GRIA1: variants seen among roughly 807,000 people sequenced by gnomAD.
GRIA1 encodes glutamate ionotropic receptor AMPA type subunit 1, also known as glutamate receptor 1.
A neutral mutation model predicts 99.2 loss-of-function variants in GRIA1; 31 were observed. The observed-to-expected ratio is 0.31, with a 90% CI of 0.23 to 0.42. The LOEUF (loss-of-function observed/expected upper bound fraction) is 0.42. GRIA1 is among the 10% of genes least tolerant of loss of function. The pLI is 1.00. For missense variants in GRIA1, 782 were observed against 1,157.5 expected (o/e 0.68, Z 4.71); for synonymous variants, 438 against 432.4 (o/e 1.01, Z -0.16).
intron 2 of GRIA1, among the ~76,000 whole-genome samples, chr5:153,627,482 C>T (rs1471328616): frequency 6.6e-6 from 1 of 152,156 alleles, no homozygotes; most frequent in Non-Finnish European, 1.5e-5. Flanking sequence ...CCAGAAATCT[C>T]CCCTCACTTG....
chr5:153,617,156 C>T (rs1427904907), intron 2 of GRIA1, among the ~76,000 whole-genome samples: 1 of 152,136 alleles, frequency 6.6e-6, no homozygotes, highest in Non-Finnish European at 1.5e-5. Context: ...CCAAGAAAGA[C>T]TGTAGATATT....
chr5:153,528,532 G>A (rs1269640160), intron 2 of GRIA1, among the ~76,000 whole-genome samples: 2 of 152,154 alleles, frequency 1.3e-5, no homozygotes, highest in Non-Finnish European at 2.9e-5. Flanking sequence ...TTCTGATTTG[G>A]GAGGTCTGGT....
Position 153,662,982 on chromosome 5 carries a change from G to A in GRIA1, c.699+7110G>A, listed in dbSNP as rs1355006476. 2.0e-5 allele frequency among the ~76,000 whole-genome samples: 3 copies of A among 152,094 alleles called. No homozygotes were observed. The East Asian group carries it at 5.8e-4, about 29-fold the overall frequency. ...CCGCTCTGCTCTCACCTCACTGTTC[G>A]GTAACAGACACTGTGTGATCTCCAG... On this transcript the variant is annotated intron_variant, in intron 5 of 15. Transcript: ENST00000285900.
chr5:153,656,387 A>ATATATATATATATG (rs747540007), intron 5 of GRIA1, among the ~76,000 whole-genome samples: 1 of 143,510 alleles, frequency 7.0e-6, no homozygotes, highest in African/African-American at 2.6e-5. Context: ...GTTTGTTTAT[A>ATATATATATATATG]TATATATATA....
intron 12 of GRIA1, among the ~76,000 whole-genome samples, chr5:153,765,672 C>T (rs537887107): frequency 7.9e-5 from 12 of 151,780 alleles, no homozygotes; most frequent in Non-Finnish European, 1.5e-4. Context: ...GATGTTTATC[C>T]CAGGAGTTGA....
At chr5:153,694,290 CTTGGGATT>C (rs1014850024) in intron 8 of GRIA1, among the ~76,000 whole-genome samples, 7 of 152,134 alleles carry the variant, frequency 4.6e-5, no homozygotes, top group African/African-American at 1.7e-4. Context: ...GTATGAAAAC[CTTGGGATT>C]TTACGGCAGT....
At chr5:153,567,205 G>C (rs908660392) in intron 2 of GRIA1, among the ~76,000 whole-genome samples, 2 of 152,278 alleles carry the variant, frequency 1.3e-5, no homozygotes, top group African/African-American at 4.8e-5. Flanking sequence ...AACTTTTCTA[G>C]ACACTGGTGA....
At chr5:153,745,661 A>C (rs2149582114) in intron 11 of GRIA1, among the ~76,000 whole-genome samples, 1 of 151,976 alleles carries the variant, frequency 6.6e-6, no homozygotes, top group South Asian at 2.1e-4. Context: ...AAATTAAGAA[A>C]TCAAAGTAAA....
intron 2 of GRIA1, among the ~76,000 whole-genome samples, chr5:153,575,794 G>A (rs980643963): frequency 2.0e-5 from 3 of 152,182 alleles, no homozygotes; most frequent in African/African-American, 7.2e-5. Context: ...GCAGTGTAAT[G>A]GCAGAACTGA....
In GRIA1 at chr5:153,802,484, G is replaced by C; in HGVS notation, c.2514G>C (p.Arg838=). ...ACAAATCCCGTAGTGAATCCAAGCG[G>C]ATGAAGGTGGCATCGTCTTCCCGGG... ...FCYKSRSESK[R]MKGFCLIPQQ... is the part of the protein sequence containing the mutation. The change falls in exon 15 of 16, where the codon CGG becomes CGC. Residue 838 remains arginine, a synonymous_variant. Coordinates refer to ENST00000285900, the MANE Select transcript of GRIA1 (RefSeq NM_000827.4). 6.2e-7 allele frequency: 1 copy of C among 1,613,998 alleles called. No individual in the cohort carries two copies. Among genetic ancestry groups the C allele is most frequent in the South Asian group, 1.1e-5 (1 of 91,074 alleles).
At chr5:153,802,557 C>T in intron 15 of GRIA1, 67 bp downstream of exon 15, 1 of 1,530,652 alleles carries the variant, frequency 6.5e-7, no homozygotes, top group Non-Finnish European at 9.0e-7. Context: ...CCTGGGAGTC[C>T]CTTTGCTAGA....
chr5:153,742,410 C>A (rs1414923150), intron 11 of GRIA1, among the ~76,000 whole-genome samples: 1 of 152,188 alleles, frequency 6.6e-6, no homozygotes, highest in Non-Finnish European at 1.5e-5. Flanking sequence ...ACTGCCATAA[C>A]AGAACTTAAA....
intron 2 of GRIA1, among the ~76,000 whole-genome samples, chr5:153,546,002 G>A (rs1221984948): frequency 1.3e-5 from 2 of 152,242 alleles, no homozygotes; most frequent in African/African-American, 4.8e-5. Flanking sequence ...CAAAGTGAGG[G>A]CCAACAATTC....
chr5:153,490,119 G>C (rs1427080144), upstream of GRIA1: 1 of 272,174 alleles, frequency 3.7e-6, no homozygotes, highest in African/African-American at 2.3e-5. Flanking sequence ...GATTTCTAGG[G>C]TCTTTCCCTC....
Position 153,674,655 on chromosome 5 carries a change from A to C in GRIA1, c.855A>C (p.Arg285Ser). 1 of 1,613,834 alleles carries C rather than the reference A, an allele frequency of 6.2e-7. No individual in the cohort carries two copies. Among genetic ancestry groups the C allele is most frequent in the Non-Finnish European group, 8.5e-7 (1 of 1,179,836 alleles). The change falls in exon 6 of 16, where the codon AGA becomes AGC. Residue 285 changes from arginine (R) to serine (S), a missense_variant. By Grantham distance (110) the Arg-to-Ser change is moderately radical. Around this residue, in one of 5 missense-constraint regions of GRIA1, gnomAD observed 461 missense variants for 521.7 expected, o/e 0.88. Coordinates refer to ENST00000285900, the MANE Select transcript of GRIA1 (RefSeq NM_000827.4). ...ACCACACACGGGTGGACTGGAAGAGACCCAAGGTGAGTGGATGGGCAGCCA... is the reference window on the plus strand; with the variant it reads ...ACCACACACGGGTGGACTGGAAGAGCCCCAAGGTGAGTGGATGGGCAGCCA... Reference protein sequence around the residue: ...ARDHTRVDWKRPKYTSALTYD... With the variant: ...ARDHTRVDWKSPKYTSALTYD...
At position 153,764,625 on chromosome 5, in the gene GRIA1, T is replaced by A. The variant is rs778556287; in HGVS notation, c.2015T>A (p.Phe672Tyr). Reference sequence around the variant, plus strand: ...CTGGAAGCAGGATCTACTAAGGAGTTCTTCAGGGTAGGGACATCCTTTGTC... The same window carrying A: ...CTGGAAGCAGGATCTACTAAGGAGTACTTCAGGGTAGGGACATCCTTTGTC... ...GTLEAGSTKE[F>Y]FRRSKIAVFE... The change falls in exon 12 of 16, where the codon TTC becomes TAC. Residue 672 changes from phenylalanine to tyrosine, a missense_variant. This residue lies in a region of GRIA1 where 119 missense variants were observed against 326.6 expected (regional missense o/e 0.36). Coordinates refer to ENST00000285900, the MANE Select transcript of GRIA1 (RefSeq NM_000827.4). 6.2e-7 allele frequency: 1 copy of A among 1,612,002 alleles called. No homozygotes were observed. The highest frequency in any genetic ancestry group is 2.2e-5 in the East Asian group (1 of 44,826).
At chr5:153,567,965 C>T (rs553003678) in intron 2 of GRIA1, among the ~76,000 whole-genome samples, 2 of 152,116 alleles carry the variant, frequency 1.3e-5, no homozygotes, top group East Asian at 3.9e-4. Context: ...TGGGTGCTCT[C>T]AAATATAGGA....
intron 5 of GRIA1, among the ~76,000 whole-genome samples, chr5:153,665,458 G>A (rs1561744804): frequency 6.6e-6 from 1 of 152,188 alleles, no homozygotes; most frequent in African/African-American, 2.4e-5. Flanking sequence ...GAGGGAACCA[G>A]ACTACCCTCT....
chr5:153,551,222 A>C (rs1760110281), intron 2 of GRIA1, among the ~76,000 whole-genome samples: 1 of 152,202 alleles, frequency 6.6e-6, no homozygotes, highest in African/African-American at 2.4e-5. Flanking sequence ...TCGGTCATGC[A>C]TAGTTAATGT....
Sources: gnomAD v4.1 joint callset for allele counts (sites outside exome capture counted in the v4.1 genomes callset) on GRCh38, gnomAD v4.1.1 for gene constraint, gnomAD v4.1.1 regional missense constraint, MANE v1.5 for transcripts, NCBI Gene and HGNC (gene_info 2026-07-23, HGNC 2026-07-21) for gene names.